DISP1: variants seen among roughly 807,000 people sequenced by gnomAD.
DISP1 encodes dispatched RND transporter family member 1.
A neutral mutation model predicts 37.3 loss-of-function variants in DISP1; 30 were observed. The observed-to-expected ratio is 0.80, with a 90% confidence interval of 0.60 to 1.09. DISP1 has a LOEUF of 1.09. DISP1 is among the 50% of genes least tolerant of loss of function. The pLI is 0.00. For missense variants in DISP1, 1,598 were observed against 1,879.5 expected, an observed-to-expected ratio of 0.85 and a Z score of 2.77; for synonymous variants, 634 against 690.2, an observed-to-expected ratio of 0.92 and a Z score of 1.28.
intron 1 of DISP1, among the ~76,000 whole-genome samples, chr1:222,901,298 A>G (rs762115363): frequency 6.6e-6 from 1 of 152,192 alleles, no homozygotes; most frequent in Non-Finnish European, 1.5e-5. Flanking sequence ...TCTGAAAGAA[A>G]AAGAGAAAGT....
In DISP1 at chr1:222,946,995, T is replaced by C. The variant is rs184068108; in HGVS notation, c.509+3663T>C. 1.6e-4 allele frequency among the ~76,000 whole-genome samples: 25 copies of C among 152,360 alleles called. 2 individuals carry two copies. Among genetic ancestry groups the C allele is most frequent in the Admixed American group, 1.4e-3 (22 of 15,304 alleles). On this transcript the variant is annotated intron_variant, in intron 3 of 8. Coordinates refer to ENST00000675850, the MANE Select transcript of DISP1 (RefSeq NM_001377229.1). ...GACTCATTATAGATTTGTGTGTGTT[T>C]GTGATTTTTTTTATTGTGGTGAAAT... is the stretch of plus-strand genomic sequence containing the variant.
intron 3 of DISP1, among the ~76,000 whole-genome samples, chr1:222,957,420 C>T (rs1675688571): frequency 6.6e-6 from 1 of 152,052 alleles, no homozygotes; most frequent in African/African-American, 2.4e-5. Flanking sequence ...GAAATCCCGT[C>T]TCTACTAAAA....
chr1:223,003,063 C>G lies in DISP1; in HGVS notation c.1666C>G (p.Pro556Ala). Residue 556 changes from proline (P) to alanine (A), a missense_variant, in exon 9 of 9, where the codon CCT (proline) becomes GCT (alanine). Pro to Ala is a conservative substitution (Grantham distance 27, BLOSUM62 -1). Transcript: ENST00000675850. The surrounding 1 kb of genome is among the most constrained non-coding windows in gnomAD (Gnocchi z 4.3). ...TGTAGTATTTCACTTCGAATTTTTT[C>G]CTTTTATGAACCTCACTGCCCTCAT... ...YRVVFHFEFFPFMNLTALIIL... is the reference protein window; with the variant it reads ...YRVVFHFEFFAFMNLTALIIL... 1 of 1,614,034 alleles carries G rather than the reference C, an allele frequency of 6.2e-7. No homozygotes were observed.
intron 3 of DISP1, among the ~76,000 whole-genome samples, chr1:222,975,478 G>A (rs1326957786): frequency 6.6e-6 from 1 of 152,114 alleles, no homozygotes; most frequent in East Asian, 1.9e-4. Flanking sequence ...GAGAAAAAAG[G>A]TGAGCAAAAC....
Position 222,822,902 on chromosome 1 carries a change from C to T in DISP1, c.-159+7824C>T, listed in dbSNP as rs548847922. Among the ~76,000 whole-genome samples the T allele has an allele frequency of 1.4e-3, 216 of 152,324 alleles. 1 individual carries two copies. The highest frequency in any genetic ancestry group is 5.1e-3 in the African/African-American group (213 of 41,574). ...CTAAGTGTCCATGCATTAAAATCATCAATTTCTCTTTCTTTTGTCCCTTAA... is the reference window on the plus strand; with the variant it reads ...CTAAGTGTCCATGCATTAAAATCATTAATTTCTCTTTCTTTTGTCCCTTAA... On this transcript the variant is annotated intron_variant, in intron 1 of 8. Coordinates refer to ENST00000675850, the MANE Select transcript of DISP1 (RefSeq NM_001377229.1).
At chr1:222,818,796 T>C (rs1479382609) in intron 1 of DISP1, among the ~76,000 whole-genome samples, 3 of 152,236 alleles carry the variant, frequency 2.0e-5, no homozygotes, top group African/African-American at 7.2e-5. Flanking sequence ...CTACAAAATA[T>C]GTTTATAGCA....
intron 3 of DISP1, among the ~76,000 whole-genome samples, chr1:222,976,007 A>G (rs921620610): frequency 3.3e-5 from 5 of 152,104 alleles, no homozygotes; most frequent in African/African-American, 4.8e-5. Flanking sequence ...CGCAAATGTC[A>G]TCTTTCCTTG....
intron 1 of DISP1, chr1:222,827,164 GACAA>G (rs1381104671): frequency 6.6e-6 from 1 of 152,192 alleles, no homozygotes; most frequent in African/African-American, 2.4e-5. Flanking sequence ...TACCGGTAGA[GACAA>G]ACAGTTAAAG....
intron 1 of DISP1, among the ~76,000 whole-genome samples, chr1:222,826,635 G>C (rs758770341): frequency 2.0e-5 from 3 of 151,956 alleles, no homozygotes; most frequent in Non-Finnish European, 4.4e-5. Flanking sequence ...CGAGCCTCCT[G>C]CCTCAGCCTC....
At chr1:222,860,918 A>G (rs1410842027) in intron 1 of DISP1, among the ~76,000 whole-genome samples, 1 of 152,162 alleles carries the variant, frequency 6.6e-6, no homozygotes, top group Non-Finnish European at 1.5e-5. Context: ...ATTGCTAGAA[A>G]AAAGTGGGGC....
intron 2 of DISP1, among the ~76,000 whole-genome samples, chr1:222,934,243 A>T (rs1411065222): frequency 2.0e-5 from 3 of 152,000 alleles, no homozygotes; most frequent in Non-Finnish European, 4.4e-5. Flanking sequence ...AGATTAAAGC[A>T]TGCAATTTGG....
intron 1 of DISP1, among the ~76,000 whole-genome samples, chr1:222,902,710 T>C (rs1671667420): frequency 6.6e-6 from 1 of 152,150 alleles, no homozygotes; most frequent in Non-Finnish European, 1.5e-5. Flanking sequence ...ATGCTCATCA[T>C]CACTGGCCAT....
intron 4 of DISP1, among the ~76,000 whole-genome samples, chr1:222,984,071 CTTCT>C (rs995331579): frequency 5.9e-5 from 9 of 151,588 alleles, no homozygotes; most frequent in Non-Finnish European, 1.0e-4. Context: ...GTAAACTCTC[CTTCT>C]ATTTAAAAAA....
At chr1:222,869,962 C>G (rs1669437825) in intron 1 of DISP1, among the ~76,000 whole-genome samples, 1 of 151,980 alleles carries the variant, frequency 6.6e-6, no homozygotes, top group Admixed American at 6.6e-5. Context: ...ACAACAGTCC[C>G]CAGTGTGTGA....
At chr1:222,963,839 C>T (rs1371200473) in intron 3 of DISP1, among the ~76,000 whole-genome samples, 2 of 151,892 alleles carry the variant, frequency 1.3e-5, no homozygotes, top group East Asian at 3.9e-4. Context: ...ACATGTATAC[C>T]TATATAACAA....
intron 1 of DISP1, among the ~76,000 whole-genome samples, chr1:222,828,630 C>T (rs374322864): frequency 6.6e-6 from 1 of 152,138 alleles, no homozygotes; most frequent in Non-Finnish European, 1.5e-5. Context: ...CTCTCCATTT[C>T]GTACAGGCCC....
At chr1:222,889,794 A>G (rs1670842395) in intron 1 of DISP1, among the ~76,000 whole-genome samples, 2 of 152,260 alleles carry the variant, frequency 1.3e-5, no homozygotes, top group South Asian at 4.1e-4. Context: ...TTACACTTGT[A>G]CTTTTCCATT....
chr1:222,862,778 A>G (rs113740900), intron 1 of DISP1, among the ~76,000 whole-genome samples: 10 of 152,130 alleles, frequency 6.6e-5, no homozygotes, highest in African/African-American at 2.4e-4. Context: ...GGCAACCCCC[A>G]ACCTTGGCCT....
At chr1:222,998,659 G>T (rs952231103) in intron 8 of DISP1, among the ~76,000 whole-genome samples, 18 of 152,058 alleles carry the variant, frequency 1.2e-4, no homozygotes, top group African/African-American at 4.3e-4. Flanking sequence ...CACTGGTGTC[G>T]TTAGTAACCA....
Sources: gnomAD v4.1 joint callset for allele counts (sites outside exome capture counted in the v4.1 genomes callset) on GRCh38, gnomAD v4.1.1 for gene constraint, Gnocchi (gnomAD v3.1) non-coding constraint, MANE v1.5 for transcripts, NCBI Gene and HGNC (gene_info 2026-07-23, HGNC 2026-07-21) for gene names.